SMC2: variants seen among roughly 807,000 people sequenced by gnomAD.
The protein encoded by SMC2 is structural maintenance of chromosomes 2.
Under a neutral mutation model 142.6 loss-of-function variants are expected in SMC2, and 41 were observed. That is an observed-to-expected ratio of 0.29 (90% confidence interval 0.22 to 0.37). The LOEUF is 0.37. SMC2 is among the 10% of genes least tolerant of loss of function. The pLI is 1.00. For synonymous variants in SMC2, 463 were observed against 457.5 expected, an observed-to-expected ratio of 1.01 and a Z score of -0.15; for missense variants, 1,265 against 1,373.7, an observed-to-expected ratio of 0.92 and a Z score of 1.25.
At chr9:104,128,385 T>A (rs1834549225) in intron 20 of SMC2, among the ~76,000 whole-genome samples, 1 of 152,170 alleles carries the variant, frequency 6.6e-6, no homozygotes, top group African/African-American at 2.4e-5. Flanking sequence ...CTGCTAATAG[T>A]TTTTTGGTAA....
rs1223290650 is a variant in SMC2, at chr9:104,125,041, A to G, written c.2387A>G (p.Lys796Arg). ...GAGCGAGAACTGAAAGATGCTCAGA[A>G]AAAACTGGATTGTGCCAAAACAAAG... is the stretch of plus-strand genomic sequence containing the variant. ...ERERELKDAQ[K>R]KLDCAKTKAD... The change falls in exon 18 of 25, where the codon AAA (lysine) becomes AGA (arginine). Residue 796 changes from lysine (K) to arginine (R), a missense_variant. Lys to Arg is a conservative substitution (Grantham distance 26). Transcript: ENST00000374793. 2 of 1,606,496 alleles carry G rather than the reference A, an allele frequency of 1.2e-6. No individual in the cohort carries two copies. The highest frequency in any genetic ancestry group is 1.7e-6 in the Non-Finnish European group (2 of 1,178,422).
At chr9:104,091,017 GAATAT>G (rs1401584547), upstream of SMC2, among the ~76,000 whole-genome samples, 2 of 152,188 alleles carry the variant, frequency 1.3e-5, no homozygotes, top group African/African-American at 4.8e-5. Context: ...CTGGGTGAAT[GAATAT>G]AATAACCTCC....
intron 3 of SMC2, 80 bp downstream of exon 3, chr9:104,096,377 G>A (rs1255257228): frequency 7.2e-6 from 10 of 1,383,828 alleles, no homozygotes; most frequent in African/African-American, 2.9e-5. Flanking sequence ...TTTGCAAAAC[G>A]TGCTAGAGAA....
At chr9:104,125,150 A>G (rs748802125) in intron 18 of SMC2, 45 bp downstream of exon 18, 38 of 1,380,446 alleles carry the variant, frequency 2.8e-5, no homozygotes, top group Non-Finnish European at 3.8e-5. Flanking sequence ...TAAAGTCAAC[A>G]TAGAGCTGAA....
chr9:104,139,181 A>C lies in SMC2; in HGVS notation c.3460A>C (p.Asn1154His). ...SLKEGMFNNANVLFKTKFVDG... is the reference protein window; with the variant it reads ...SLKEGMFNNAHVLFKTKFVDG... ...AAAAGAAGGTATGTTCAACAATGCA[A>C]ACGTTCTTTTCAAAACCAAGTTTGT... is the stretch of plus-strand genomic sequence containing the variant. Residue 1154 changes from asparagine (N) to histidine (H), a missense_variant, in exon 25 of 25, where the codon AAC becomes CAC. Around this residue, in one of 4 missense-constraint regions of SMC2, gnomAD observed 192 missense variants for 261.9 expected, o/e 0.73. Coordinates refer to ENST00000374793, the MANE Select transcript of SMC2 (RefSeq NM_006444.3). 1.3e-6 allele frequency: 2 copies of C among 1,599,350 alleles called. No homozygotes were observed. The highest frequency in any genetic ancestry group is 1.7e-6 in the Non-Finnish European group (2 of 1,175,616).
chr9:104,141,336 T>A lies in SMC2; in HGVS notation c.*2021T>A, dbSNP rs1470261011. ...TGTCAGGGCCCATGGACAAATCTTG[T>A]CAGTCTCCAGAACCTAAGATATACT... On this transcript the variant is annotated 3_prime_UTR_variant, in exon 25 of 25. Coordinates refer to ENST00000374793, the MANE Select transcript of SMC2 (RefSeq NM_006444.3). The A allele has an allele frequency of 6.6e-6, 1 of 152,200 alleles. No individual in the cohort carries two copies. The highest frequency in any genetic ancestry group is 1.5e-5 in the Non-Finnish European group (1 of 68,032). The allele number at this position is 152,200 out of a possible 1,614,324, so 9.4% of individuals were successfully genotyped here. A position where few individuals can be genotyped will look rare whatever the true frequency, so the allele number is the denominator to read the frequency against.
At chr9:104,129,942 T>A in intron 21 of SMC2, 97 bp downstream of exon 21, 3 of 881,042 alleles carry the variant, frequency 3.4e-6, no homozygotes, top group Non-Finnish European at 5.3e-6. Context: ...GTTAACCTTT[T>A]GCAGATGTCC....
At chr9:104,100,267 G>T (rs1830954365) in intron 6 of SMC2, 64 bp downstream of exon 6, 1 of 1,410,844 alleles carries the variant, frequency 7.1e-7, no homozygotes, top group Admixed American at 2.4e-5. Flanking sequence ...AGTTTTTGCT[G>T]TAAAGAGGGA....
intron 16 of SMC2, among the ~76,000 whole-genome samples, chr9:104,122,691 ATTATTT>A (rs1397369016): frequency 6.6e-6 from 1 of 152,152 alleles, no homozygotes; most frequent in African/African-American, 2.4e-5. Context: ...GAACATTATT[ATTATTT>A]TTAACATTTG....
At chr9:104,129,030 C>T (rs1162813151) in intron 20 of SMC2, among the ~76,000 whole-genome samples, 1 of 152,152 alleles carries the variant, frequency 6.6e-6, no homozygotes, top group East Asian at 1.9e-4. Context: ...TTCTACCTGA[C>T]TTACATTTCA....
intron 3 of SMC2, among the ~76,000 whole-genome samples, chr9:104,097,759 G>T (rs1372702965): frequency 6.6e-6 from 1 of 152,164 alleles, no homozygotes; most frequent in African/African-American, 2.4e-5. Flanking sequence ...GTCAGGAAAA[G>T]AAATGAACTA....
Position 104,094,390 on chromosome 9 carries a change from C to G in SMC2, c.-149C>G, listed in dbSNP as rs1161466845. The G allele has an allele frequency of 2.5e-6, 1 of 398,700 alleles. No individual in the cohort carries two copies. The highest frequency in any genetic ancestry group is 4.4e-6 in the Non-Finnish European group (1 of 226,244). 24.7% of individuals were successfully genotyped at this position (398,700 alleles called of 1,614,324 possible). On this transcript the variant is annotated 5_prime_UTR_variant, in exon 1 of 25. Transcript: ENST00000374793. ...CGCTATGGTGAAGTTCGCTTTGTAG[C>G]GGCCCCGGCTAGAGAGTTGTTCTGT...
intron 15 of SMC2, 138 bp from the exon 16 acceptor site, chr9:104,119,889 T>C (rs1022650258): frequency 4.9e-6 from 4 of 821,808 alleles, no homozygotes; most frequent in Non-Finnish European, 7.9e-6. Context: ...GGTGATGGAA[T>C]GAATTCCATG....
intron 1 of SMC2, chr9:104,094,937 CA>C: frequency 5.9e-6 from 1 of 169,210 alleles, no homozygotes; most frequent in Middle Eastern, 2.9e-3. Flanking sequence ...GGGAGGACTC[CA>C]GTAAGGTGAC....
At chr9:104,127,560 TA>T in intron 20 of SMC2, 80 bp downstream of exon 20, 1 of 1,049,530 alleles carries the variant, frequency 9.5e-7, no homozygotes, top group South Asian at 2.6e-5. Context: ...AACTGCTTGA[TA>T]GAGAACTCTA....
upstream of SMC2, among the ~76,000 whole-genome samples, chr9:104,093,975 G>C (rs1023556917): frequency 2.0e-5 from 3 of 152,224 alleles, no homozygotes; most frequent in African/African-American, 4.8e-5. Flanking sequence ...CAGCACCGCA[G>C]ACTGGAGAAG....
At chr9:104,106,091 G>T (rs1220933341) in intron 9 of SMC2, among the ~76,000 whole-genome samples, 1 of 152,094 alleles carries the variant, frequency 6.6e-6, no homozygotes, top group East Asian at 1.9e-4. Context: ...TCACTAATAG[G>T]CCATCTTGAT....
intron 12 of SMC2, 25 bp downstream of exon 12, chr9:104,114,106 T>C: frequency 7.7e-7 from 1 of 1,300,736 alleles, no homozygotes; most frequent in Non-Finnish European, 1.1e-6. Flanking sequence ...CCTTGAATTT[T>C]AACATAGTAA....
At chr9:104,132,662 G>A (rs1423579338) in intron 22 of SMC2, among the ~76,000 whole-genome samples, 1 of 151,978 alleles carries the variant, frequency 6.6e-6, no homozygotes, top group East Asian at 1.9e-4. Flanking sequence ...TAATTCTGTA[G>A]GAACTCTATC....
Sources: gnomAD v4.1 joint callset for allele counts (sites outside exome capture counted in the v4.1 genomes callset) on GRCh38, gnomAD v4.1.1 for gene constraint, gnomAD v4.1.1 regional missense constraint, MANE v1.5 for transcripts, NCBI Gene and HGNC (gene_info 2026-07-23, HGNC 2026-07-21) for gene names.